The following ZFR2 variants were observed in gnomAD, a reference collection of about 807,000 sequenced individuals.
ZFR2 encodes the protein zinc finger RNA-binding protein 2.
In ZFR2, 104 loss-of-function variants were observed where a neutral mutation model predicts 105.7. The ratio of observed to expected loss-of-function variants is 0.98; its 90% CI spans 0.84 to 1.16. The LOEUF (loss-of-function observed/expected upper bound fraction) is 1.16. Ranked by LOEUF, ZFR2 falls within the 50% of genes most tolerant of loss-of-function variation. The pLI is 0.00. For missense variants in ZFR2, 1,425 were observed against 1,355.5 expected (o/e 1.05, Z -0.80); for synonymous variants, 634 against 597.7 (o/e 1.06, Z -0.89).
chr19:3,808,657 C>T (rs1457408111), intron 17 of ZFR2, among the ~76,000 whole-genome samples: 1 of 152,262 alleles, frequency 6.6e-6, no homozygotes, highest in Non-Finnish European at 1.5e-5. Flanking sequence ...CTTCCGGGAC[C>T]TGCGTGTCTG....
intron 1 of ZFR2, chr19:3,852,415 T>C: frequency 1.4e-6 from 1 of 709,630 alleles, no homozygotes; most frequent in Admixed American, 2.0e-5. Flanking sequence ...GTGACTCTTC[T>C]CCTTATATCT....
chr19:3,837,389 G>A (rs896755989), intron 1 of ZFR2, among the ~76,000 whole-genome samples: 2 of 151,846 alleles, frequency 1.3e-5, no homozygotes, highest in Non-Finnish European at 2.9e-5. Context: ...CACCATGACT[G>A]TGACACTCGA....
At chr19:3,830,831 G>C (rs1023695497) in intron 5 of ZFR2, among the ~76,000 whole-genome samples, 1 of 152,160 alleles carries the variant, frequency 6.6e-6, no homozygotes, top group African/African-American at 2.4e-5. Context: ...TCTCAAGCTC[G>C]TGTGTTTGGT....
At chr19:3,863,937 C>T (rs893027668) in intron 1 of ZFR2, among the ~76,000 whole-genome samples, 3 of 152,160 alleles carry the variant, frequency 2.0e-5, no homozygotes, top group Non-Finnish European at 4.4e-5. Flanking sequence ...AGGGCTCAGT[C>T]AGTATCAGGT....
chr19:3,845,340 G>A (rs2038175791), intron 1 of ZFR2, among the ~76,000 whole-genome samples: 2 of 152,092 alleles, frequency 1.3e-5, no homozygotes, highest in Admixed American at 1.3e-4. Context: ...TATAAAGGGG[G>A]GCCAGTCATG....
rs2037694055 is a variant in ZFR2, at chr19:3,806,135, A to G, written c.2644-10T>C. 7.0e-7 allele frequency: 1 copy of G among 1,424,620 alleles called. No individual in the cohort carries two copies. Among genetic ancestry groups the G allele is most frequent in the South Asian group, 1.5e-5 (1 of 67,070 alleles). The allele number at this position is 1,424,620 out of a possible 1,614,324, so 88.2% of individuals were successfully genotyped here. A position where few individuals can be genotyped will look rare whatever the true frequency, so the allele number is the denominator to read the frequency against. On this transcript the variant is annotated splice_polypyrimidine_tract_variant and intron_variant, in intron 18 of 18. Transcript: ENST00000262961. ...GCATTCGCAGGGCGTGCTGCGGGGC[A>G]CACACAGCCTGTCAGGACCCCCGCC...
intron 5 of ZFR2, among the ~76,000 whole-genome samples, chr19:3,828,873 C>CA (rs1287014307): frequency 4.0e-4 from 61 of 152,220 alleles, no homozygotes; most frequent in African/African-American, 1.4e-3. Flanking sequence ...CACAAGAACT[C>CA]AGAGACATTG....
At chr19:3,853,112 T>C (rs1328466687) in intron 1 of ZFR2, among the ~76,000 whole-genome samples, 1 of 152,150 alleles carries the variant, frequency 6.6e-6, no homozygotes, top group Non-Finnish European at 1.5e-5. Context: ...AAACTGCTGC[T>C]GTTGAGAAAC....
intron 12 of ZFR2, among the ~76,000 whole-genome samples, chr19:3,817,695 G>A (rs1282379417): frequency 6.8e-6 from 1 of 147,552 alleles, no homozygotes; most frequent in African/African-American, 2.5e-5. Context: ...GGCAGAGGTT[G>A]CTGTGAGCCG....
At chr19:3,819,332 C>G in intron 11 of ZFR2, 97 bp from the exon 12 acceptor site, 1 of 1,301,234 alleles carries the variant, frequency 7.7e-7, no homozygotes, top group South Asian at 1.6e-5. Context: ...CGTGGCCAGC[C>G]AGGTTACGAG....
At position 3,820,308 on chromosome 19, in the gene ZFR2, G is replaced by A. The variant is rs2037876202; in HGVS notation, c.1632-18C>T. 1 of 1,536,306 alleles carries A rather than the reference G, an allele frequency of 6.5e-7. No homozygotes were observed. The highest frequency in any genetic ancestry group is 8.7e-7 in the Non-Finnish European group (1 of 1,144,514). On this transcript the variant is annotated intron_variant, in intron 10 of 18. Transcript: ENST00000262961. ...CCAGCCGCCTGCAGGACCGAGACGT[G>A]ACAGAGCATGGTCAGGCCAGCAGTG... is the stretch of plus-strand genomic sequence containing the variant.
chr19:3,834,789 G>A lies in ZFR2; in HGVS notation c.248C>T (p.Thr83Ile). The A allele has an allele frequency of 6.2e-7, 1 of 1,612,196 alleles. No individual in the cohort carries two copies. The change falls in exon 2 of 19, where the codon ACC becomes ATC. Residue 83 changes from threonine to isoleucine, a missense_variant. Transcript: ENST00000262961. This position sits in a 1 kb window ranked among gnomAD's most constrained non-coding sequence, Gnocchi z 5.3. The stretch of plus-strand genomic sequence containing the variant: ...ACTGGATACCTGGTAGGTAGCCATG[G>A]TGGTGGCCGTGGGGACGGGCTCCTG... ...RPQEPVPTAT[T>I]MATYQDSYSY...
In ZFR2 at chr19:3,858,881, T is replaced by C. The variant is rs1164763205; in HGVS notation, c.53+10084A>G. Among the ~76,000 whole-genome samples the C allele has an allele frequency of 6.6e-6, 1 of 152,176 alleles. No homozygotes were observed. Among genetic ancestry groups the C allele is most frequent in the African/African-American group, 2.4e-5 (1 of 41,440 alleles). ...TTCTTCCCGAACACAGCTCATCACC[T>C]ATTTCTCTATCACCCCCATGGCAGA... is the stretch of plus-strand genomic sequence containing the variant. On this transcript the variant is annotated intron_variant, in intron 1 of 18. Coordinates refer to ENST00000262961, the MANE Select transcript of ZFR2 (RefSeq NM_015174.2). This position sits in a 1 kb window ranked among gnomAD's most constrained non-coding sequence, Gnocchi z 4.3.
intron 16 of ZFR2, among the ~76,000 whole-genome samples, 174 bp from the exon 17 acceptor site, chr19:3,809,157 T>C (rs1429837041): frequency 2.0e-5 from 3 of 152,180 alleles, no homozygotes; most frequent in Non-Finnish European, 2.9e-5. Context: ...TGCCACCTCC[T>C]GGCACGGCCA....
chr19:3,834,169 G>A lies in ZFR2; in HGVS notation c.265-391C>T, dbSNP rs1460130483. Reference sequence around the variant, plus strand: ...CTTGAGTGACAGGGTGGCCTCTGATGCCGTTGACCGACACAATCTGGGGAC... The same window carrying A: ...CTTGAGTGACAGGGTGGCCTCTGATACCGTTGACCGACACAATCTGGGGAC... On this transcript the variant is annotated intron_variant, in intron 2 of 18. Transcript: ENST00000262961. The surrounding 1 kb of genome is among the most constrained non-coding windows in gnomAD (Gnocchi z 5.3). Among the ~76,000 whole-genome samples, 1 of 152,180 alleles carries A rather than the reference G, an allele frequency of 6.6e-6. No homozygotes were observed. Among genetic ancestry groups the A allele is most frequent in the Non-Finnish European group, 1.5e-5 (1 of 68,036 alleles).
chr19:3,862,968 T>C (rs1359984233), intron 1 of ZFR2, among the ~76,000 whole-genome samples: 1 of 152,200 alleles, frequency 6.6e-6, no homozygotes, highest in Non-Finnish European at 1.5e-5. Flanking sequence ...ACGGTCTCAC[T>C]TTCCTGGGGC....
intron 1 of ZFR2, among the ~76,000 whole-genome samples, chr19:3,846,037 C>T (rs150060127): frequency 3.5e-4 from 53 of 152,340 alleles, no homozygotes; most frequent in African/African-American, 1.2e-3. Context: ...AGTGCAATGG[C>T]ACAATCTTGG....
Position 3,841,382 on chromosome 19 carries a change from A to G in ZFR2, c.54-6399T>C, listed in dbSNP as rs564736442. Among the ~76,000 whole-genome samples, 22 of 152,278 alleles carry G rather than the reference A, an allele frequency of 1.4e-4. No individual in the cohort carries two copies. The South Asian group carries it at 4.6e-3, about 32-fold the overall frequency. On this transcript the variant is annotated intron_variant, in intron 1 of 18. Transcript: ENST00000262961. ...TGTGTGTTCAAAGCATGGTTCTGGC[A>G]ACTGAGGAGCATTTTGTAATATGCA...
At position 3,813,924 on chromosome 19, in the gene ZFR2, T is replaced by A. The variant is rs775749967; in HGVS notation, c.2138A>T (p.Asp713Val). The change falls in exon 14 of 19, where the codon GAC becomes GTC. Residue 713 changes from aspartate (D) to valine (V), a missense_variant. Transcript: ENST00000262961. The surrounding 1 kb of genome is among the most constrained non-coding windows in gnomAD (Gnocchi z 4.4). Reference protein sequence around the residue: ...VTEDEYEVSSDPEANIVISSC... With the variant: ...VTEDEYEVSSVPEANIVISSC... Reference sequence around the variant, plus strand: ...GGAGATGACAATGTTGGCTTCAGGGTCGGAGGAGACCTCATACTCATCCTC... The same window carrying A: ...GGAGATGACAATGTTGGCTTCAGGGACGGAGGAGACCTCATACTCATCCTC... The A allele has an allele frequency of 2.0e-5, 32 of 1,613,792 alleles. No individual in the cohort carries two copies. Among genetic ancestry groups the A allele is most frequent in the Non-Finnish European group, 2.5e-5 (29 of 1,179,890 alleles).
Sources: allele counts gnomAD v4.1 joint callset (sites outside exome capture counted in the v4.1 genomes callset), GRCh38; gene constraint gnomAD v4.1.1; non-coding constraint Gnocchi (gnomAD v3.1); transcripts MANE v1.5; gene names NCBI Gene and HGNC (gene_info 2026-07-23, HGNC 2026-07-21).